The following LMOD1 variants were observed in gnomAD, a reference collection of about 807,000 sequenced individuals.
The protein encoded by LMOD1 is leiomodin-1.
LMOD1 carries 8 observed loss-of-function variants against 36.5 expected under a neutral mutation model. The ratio of observed to expected loss-of-function variants is 0.22; its 90% CI spans 0.13 to 0.40. The LOEUF (loss-of-function observed/expected upper bound fraction) is 0.40. Among genes scored for constraint, LMOD1 ranks in the 10% least tolerant of loss-of-function variants. The pLI is 1.00. For missense variants in LMOD1, 630 were observed against 751.1 expected (o/e 0.84, Z 1.88); for synonymous variants, 284 against 288.7 (o/e 0.98, Z 0.17).
At chr1:201,900,772 A>C (rs1681287765) in intron 1 of LMOD1, 21 bp from the exon 2 acceptor site, 1 of 1,557,806 alleles carries the variant, frequency 6.4e-7, no homozygotes, top group Admixed American at 2.0e-5. Context: ...AGAAAAGAAA[A>C]ATAATCATGA....
intron 1 of LMOD1, among the ~76,000 whole-genome samples, chr1:201,912,937 G>A (rs1303565829): frequency 6.6e-6 from 1 of 152,140 alleles, no homozygotes; most frequent in Non-Finnish European, 1.5e-5. Context: ...CAGGGTGTTT[G>A]GTTACCTGCT....
chr1:201,945,536 G>A (rs1031984776), intron 1 of LMOD1, among the ~76,000 whole-genome samples: 1 of 152,104 alleles, frequency 6.6e-6, no homozygotes, highest in African/African-American at 2.4e-5. Context: ...ATAGACTCCT[G>A]GTCCCTGTCT....
At chr1:201,914,209 C>T (rs1395565405) in intron 1 of LMOD1, among the ~76,000 whole-genome samples, 1 of 152,212 alleles carries the variant, frequency 6.6e-6, no homozygotes, top group Non-Finnish European at 1.5e-5. Context: ...TGTGGCTCCT[C>T]CTCCCAGGTG....
intron 2 of LMOD1, 139 bp from the exon 3 acceptor site, chr1:201,898,537 T>G: frequency 1.5e-6 from 1 of 668,084 alleles, no homozygotes; most frequent in Non-Finnish European, 2.4e-6. Flanking sequence ...AGGGAGCATT[T>G]TTCATTGTCT....
intron 1 of LMOD1, among the ~76,000 whole-genome samples, chr1:201,933,396 A>G (rs1681959012): frequency 6.6e-6 from 1 of 151,066 alleles, no homozygotes; most frequent in African/African-American, 2.4e-5. Flanking sequence ...CCTGGGCAAC[A>G]GGAGCAAAAC....
chr1:201,898,289 T>G lies in LMOD1; in HGVS notation c.*83A>C. The G allele has an allele frequency of 1.4e-6, 2 of 1,411,784 alleles. No individual in the cohort carries two copies. Among genetic ancestry groups the G allele is most frequent in the Non-Finnish European group, 2.0e-6 (2 of 1,010,484 alleles). The allele number at this position is 1,411,784 out of a possible 1,614,324, so 87.5% of individuals were successfully genotyped here. A position where few individuals can be genotyped will look rare whatever the true frequency, so the allele number is the denominator to read the frequency against. On this transcript the variant is annotated 3_prime_UTR_variant, in exon 3 of 3. Transcript: ENST00000367288. ...ACATCCACAGCAGGTCAGCCAGGGA[T>G]GGGGTGGGCAGGGTCTGTGTAGCCC...
At chr1:201,920,050 T>C (rs1258273127) in intron 1 of LMOD1, among the ~76,000 whole-genome samples, 9 of 125,078 alleles carry the variant, frequency 7.2e-5, no homozygotes, top group Non-Finnish European at 9.9e-5. Context: ...TCTCTCTTTT[T>C]TTTTTTTTTT....
intron 1 of LMOD1, among the ~76,000 whole-genome samples, chr1:201,915,827 G>T (rs1457935520): frequency 4.6e-5 from 7 of 152,078 alleles, no homozygotes; most frequent in African/African-American, 1.7e-4. Flanking sequence ...CCTCCTCTCG[G>T]TTTCGCTGAC....
Position 201,896,465 on chromosome 1 carries a change from A to G in LMOD1, c.*1907T>C, listed in dbSNP as rs1001308692. ...ACAAACAAAACAGACCTGAGCTCTG[A>G]CTTTTATTAGCTGTGTGATCATGGA... On this transcript the variant is annotated 3_prime_UTR_variant, in exon 3 of 3. Transcript: ENST00000367288. 3.5e-5 allele frequency: 16 copies of G among 454,786 alleles called. No homozygotes were observed. Among genetic ancestry groups the G allele is most frequent in the Admixed American group, 2.4e-4 (10 of 42,454 alleles). 28.2% of individuals were successfully genotyped at this position (454,786 alleles called of 1,614,324 possible).
intron 1 of LMOD1, among the ~76,000 whole-genome samples, 164 bp from the exon 2 acceptor site, chr1:201,900,915 A>G (rs984370827): frequency 6.6e-6 from 1 of 152,156 alleles, no homozygotes; most frequent in Non-Finnish European, 1.5e-5. Flanking sequence ...GAGGGCAGCA[A>G]AAGAGGGACT....
chr1:201,908,057 A>G (rs1681440216), intron 1 of LMOD1, among the ~76,000 whole-genome samples: 1 of 152,060 alleles, frequency 6.6e-6, no homozygotes. Flanking sequence ...GGCCAGCCAC[A>G]GAATCACTGC....
intron 1 of LMOD1, among the ~76,000 whole-genome samples, chr1:201,919,459 C>T (rs1681664884): frequency 1.3e-5 from 2 of 152,044 alleles, no homozygotes; most frequent in African/African-American, 4.8e-5. Flanking sequence ...CTGCCTTGGC[C>T]TCCCAAAGTG....
intron 1 of LMOD1, among the ~76,000 whole-genome samples, chr1:201,944,733 G>T (rs1022956549): frequency 2.1e-3 from 5 of 2,422 alleles, no homozygotes; most frequent in Non-Finnish European, 5.7e-3. Context: ...GTGGTGGGGC[G>T]GGGGGGGGCG....
chr1:201,946,514 C>G lies in LMOD1; in HGVS notation c.-174G>C. The G allele has an allele frequency of 1.5e-6, 1 of 674,172 alleles. No individual in the cohort carries two copies. The highest frequency in any genetic ancestry group is 2.5e-6 in the Non-Finnish European group (1 of 405,560). The allele number at this position is 674,172 out of a possible 1,614,324, so 41.8% of individuals were successfully genotyped here. On this transcript the variant is annotated 5_prime_UTR_variant, in exon 1 of 3. Transcript: ENST00000367288. The stretch of plus-strand genomic sequence containing the variant: ...TACAGGTGCTGAAGTGTTCACTGGA[C>G]GCAGCAGCCTCCCTGAAGCCCAGGG...
intron 1 of LMOD1, among the ~76,000 whole-genome samples, chr1:201,935,801 C>A (rs1281162627): frequency 6.6e-6 from 1 of 150,460 alleles, no homozygotes; most frequent in Non-Finnish European, 1.5e-5. Flanking sequence ...AAGTGATCTG[C>A]CCGCCTCAGC....
rs532244755 is a variant in LMOD1, at chr1:201,901,654, A to G, written c.262-903T>C. On this transcript the variant is annotated intron_variant, in intron 1 of 2. Transcript: ENST00000367288. ...TGTATATATATATATATATACATAT[A>G]TATGTGTATATATATATATACACAT... Among the ~76,000 whole-genome samples, 221 of 89,288 alleles carry G rather than the reference A, an allele frequency of 2.5e-3. 14 individuals are homozygous for G. The highest frequency in any genetic ancestry group is 8.8e-3 in the African/African-American group (212 of 24,188). The allele number at this position is 89,288 out of a possible 152,430, so 58.6% of individuals were successfully genotyped here. A position where few individuals can be genotyped will look rare whatever the true frequency, so the allele number is the denominator to read the frequency against.
intron 1 of LMOD1, among the ~76,000 whole-genome samples, chr1:201,913,575 C>G (rs2102915912): frequency 6.6e-6 from 1 of 152,274 alleles, no homozygotes; most frequent in East Asian, 1.9e-4. Context: ...CGACTGCACT[C>G]CAGCCTGAGC....
intron 1 of LMOD1, among the ~76,000 whole-genome samples, chr1:201,925,667 G>GTT (rs57789702): frequency 0.032 from 4,397 of 139,446 alleles, 105 homozygotes; most frequent in Non-Finnish European, 0.042. Flanking sequence ...CTGGAGGCTT[G>GTT]TTTTTTTTTT....
chr1:201,944,892 G>C (rs1484512215), intron 1 of LMOD1, among the ~76,000 whole-genome samples: 1 of 152,170 alleles, frequency 6.6e-6, no homozygotes, highest in East Asian at 1.9e-4. Flanking sequence ...TACCCAGCCA[G>C]TCATTCCGCA....
Sources: allele counts gnomAD v4.1 joint callset (sites outside exome capture counted in the v4.1 genomes callset), GRCh38; gene constraint gnomAD v4.1.1; transcripts MANE v1.5; gene names NCBI Gene and HGNC (gene_info 2026-07-23, HGNC 2026-07-21).